Variants in CSMD1 observed in about 807,000 individuals in gnomAD.
CSMD1 encodes CUB and Sushi multiple domains 1, also known as CUB and sushi domain-containing protein 1.
Under a neutral mutation model 417.5 loss-of-function variants are expected in CSMD1, and 213 were observed. That is an observed-to-expected ratio of 0.51 (90% CI 0.46 to 0.57). The LOEUF (loss-of-function observed/expected upper bound fraction) is 0.57, where lower values mean the gene tolerates loss of function less well. Among genes scored for constraint, CSMD1 ranks in the 20% least tolerant of loss-of-function variants. The pLI is 0.00. For synonymous variants in CSMD1, 2,862 were observed against 1,736.8 expected, an observed-to-expected ratio of 1.65 and a Z score of -16.11; for missense variants, 6,923 against 4,529.7, an observed-to-expected ratio of 1.53 and a Z score of -15.17.
At chr8:3,978,811 G>A (rs1057059331) in intron 5 of CSMD1, among the ~76,000 whole-genome samples, 4 of 152,002 alleles carry the variant, frequency 2.6e-5, no homozygotes, top group African/African-American at 4.8e-5. Context: ...CGGAGACATC[G>A]GTGATTTACT....
chr8:3,140,011 T>C (rs1262765573), intron 41 of CSMD1, among the ~76,000 whole-genome samples: 2 of 151,622 alleles, frequency 1.3e-5, no homozygotes, highest in Non-Finnish European at 2.9e-5. Context: ...CAAGTGATTC[T>C]CCTGTCTCAG....
At chr8:3,556,362 C>A (rs187955758) in intron 10 of CSMD1, among the ~76,000 whole-genome samples, 5 of 112,938 alleles carry the variant, frequency 4.4e-5, no homozygotes, top group Admixed American at 2.8e-4. Flanking sequence ...AGCTATCTAC[C>A]CACAAAGATT....
chr8:4,271,696 AT>A (rs1218341897), intron 3 of CSMD1, among the ~76,000 whole-genome samples: 2 of 152,218 alleles, frequency 1.3e-5, no homozygotes, highest in Non-Finnish European at 2.9e-5. Context: ...CTATATGTAT[AT>A]TAATCCTAAC....
intron 6 of CSMD1, among the ~76,000 whole-genome samples, chr8:3,725,848 A>G (rs74749675): frequency 0.03 from 4,639 of 152,306 alleles, 106 homozygotes; most frequent in Admixed American, 0.045. Context: ...TTCCACTTGC[A>G]GTGGATAAAA....
At chr8:3,774,256 C>T (rs1200263502) in intron 5 of CSMD1, among the ~76,000 whole-genome samples, 1 of 152,254 alleles carries the variant, frequency 6.6e-6, no homozygotes, top group East Asian at 1.9e-4. Context: ...TCTGTAAATT[C>T]TTACAGATTG....
chr8:4,891,077 G>C (rs986290991), intron 1 of CSMD1, among the ~76,000 whole-genome samples: 1 of 152,080 alleles, frequency 6.6e-6, no homozygotes, highest in African/African-American at 2.4e-5. Flanking sequence ...ATAGAATAAT[G>C]GGCCATTTTC....
chr8:4,122,230 G>A (rs1395869218), intron 3 of CSMD1, among the ~76,000 whole-genome samples: 1 of 152,142 alleles, frequency 6.6e-6, no homozygotes, highest in East Asian at 1.9e-4. Context: ...ACTTTTGTGA[G>A]GGAAGTGCAG....
chr8:3,496,237 T>C (rs1437146161), intron 10 of CSMD1, among the ~76,000 whole-genome samples: 1 of 152,242 alleles, frequency 6.6e-6, no homozygotes, highest in Non-Finnish European at 1.5e-5. Context: ...CTGCCGACTC[T>C]GTCCAAGAAA....
At chr8:3,076,279 C>T (rs1813676538) in intron 49 of CSMD1, among the ~76,000 whole-genome samples, 2 of 152,180 alleles carry the variant, frequency 1.3e-5, no homozygotes, top group African/African-American at 4.8e-5. Flanking sequence ...CCTGCATGGT[C>T]GCCCCTCTGT....
intron 2 of CSMD1, among the ~76,000 whole-genome samples, chr8:4,460,844 T>C (rs989953554): frequency 3.3e-5 from 5 of 152,116 alleles, no homozygotes; most frequent in African/African-American, 7.2e-5. Context: ...CTACCAAACA[T>C]TGAGAGTAGA....
chr8:3,142,778 T>C (rs1818583797), intron 40 of CSMD1, 104 bp from the exon 41 acceptor site: 2 of 967,852 alleles, frequency 2.1e-6, no homozygotes, highest in African/African-American at 1.6e-5. Context: ...AGACAATCCC[T>C]CTCTGTGAGA....
chr8:4,446,755 C>CTGTGTGTGTGTGTGTG (rs58002310), intron 2 of CSMD1, among the ~76,000 whole-genome samples: 2 of 132,950 alleles, frequency 1.5e-5, no homozygotes, highest in South Asian at 2.4e-4. Flanking sequence ...GTGTGTGTGT[C>CTGTGTGTGTGTGTGTG]TGTGTGTGTG....
intron 9 of CSMD1, among the ~76,000 whole-genome samples, chr8:3,582,997 G>A (rs1027456597): frequency 2.0e-5 from 3 of 152,132 alleles, no homozygotes; most frequent in African/African-American, 7.2e-5. Context: ...ATTTTGTCTG[G>A]CCTTTACATA....
chr8:4,086,185 A>C (rs1236079924), intron 3 of CSMD1, among the ~76,000 whole-genome samples: 1 of 152,180 alleles, frequency 6.6e-6, no homozygotes, highest in Non-Finnish European at 1.5e-5. Context: ...TTTACTCAAT[A>C]ATAAAACCTT....
intron 3 of CSMD1, among the ~76,000 whole-genome samples, chr8:4,139,124 T>G (rs1234754464): frequency 2.6e-5 from 4 of 152,140 alleles, no homozygotes; most frequent in Admixed American, 2.6e-4. Context: ...CCCCTGTGAT[T>G]CTAATCCTGG....
chr8:4,004,936 G>C (rs548655404), intron 4 of CSMD1, among the ~76,000 whole-genome samples: 3 of 152,090 alleles, frequency 2.0e-5, no homozygotes, highest in African/African-American at 7.2e-5. Context: ...AGTAGAGACA[G>C]GGTTTCACCG....
chr8:3,309,058 C>G (rs532755513), intron 23 of CSMD1, among the ~76,000 whole-genome samples: 1 of 152,128 alleles, frequency 6.6e-6, no homozygotes, highest in East Asian at 1.9e-4. Flanking sequence ...TCCACAACTT[C>G]ATCTGTCAGT....
At chr8:3,156,544 G>C (rs147766621) in intron 39 of CSMD1, among the ~76,000 whole-genome samples, 14 of 152,262 alleles carry the variant, frequency 9.2e-5, no homozygotes, top group African/African-American at 2.9e-4. Flanking sequence ...CCAGGGTAGA[G>C]ATGACTCACT....
chr8:3,565,207 T>TAGAC (rs1202616832), intron 10 of CSMD1, among the ~76,000 whole-genome samples: 1 of 117,246 alleles, frequency 8.5e-6, no homozygotes, highest in Non-Finnish European at 1.6e-5. Context: ...GACAGATAGA[T>TAGAC]AGATAGAGAG....
Sources: allele counts gnomAD v4.1 joint callset (sites outside exome capture counted in the v4.1 genomes callset), GRCh38; gene constraint gnomAD v4.1.1; transcripts MANE v1.5; gene names NCBI Gene and HGNC (gene_info 2026-07-23, HGNC 2026-07-21).